REEP5: variants seen among roughly 807,000 people sequenced by gnomAD.
REEP5 encodes the protein receptor expression-enhancing protein 5.
A neutral mutation model predicts 22.4 loss-of-function variants in REEP5; 24 were observed. That is an observed-to-expected ratio of 1.07 (90% CI 0.78 to 1.51). The LOEUF (loss-of-function observed/expected upper bound fraction) is 1.51. Among genes scored for constraint, REEP5 ranks in the 40% most tolerant of loss-of-function variants. The pLI is 0.00. For missense variants in REEP5, 252 were observed against 233.0 expected, an observed-to-expected ratio of 1.08 and a Z score of -0.53; for synonymous variants, 103 against 88.6, an observed-to-expected ratio of 1.16 and a Z score of -0.92.
At chr5:112,904,707 T>C (rs901143967) in intron 2 of REEP5, among the ~76,000 whole-genome samples, 1 of 152,318 alleles carries the variant, frequency 6.6e-6, no homozygotes, top group East Asian at 1.9e-4. Flanking sequence ...TAAACTTAAA[T>C]AGATATTTCC....
Position 112,878,754 on chromosome 5 carries a change from A to T in REEP5, c.*32T>A. ...ACATCAAGCTCCAGTAGGAAGGTAC[A>T]GAGAGGGCAGGAAGTTTCCATCCAG... is the stretch of plus-strand genomic sequence containing the variant. On this transcript the variant is annotated 3_prime_UTR_variant, in exon 5 of 5. Transcript: ENST00000379638. 1 of 1,613,924 alleles carries T rather than the reference A, an allele frequency of 6.2e-7. No individual in the cohort carries two copies. The highest frequency in any genetic ancestry group is 8.5e-7 in the Non-Finnish European group (1 of 1,179,904).
At chr5:112,881,789 A>T (rs1428951320) in intron 4 of REEP5, among the ~76,000 whole-genome samples, 1 of 152,144 alleles carries the variant, frequency 6.6e-6, no homozygotes, top group Non-Finnish European at 1.5e-5. Context: ...ATTTAGAGAC[A>T]GGGTCTCACT....
chr5:112,898,195 C>T (rs1310800936), intron 3 of REEP5: 1 of 152,238 alleles, frequency 6.6e-6, no homozygotes, highest in African/African-American at 2.4e-5. Flanking sequence ...GAACCTTCTC[C>T]TACAGACGAG....
At position 112,910,163 on chromosome 5, in the gene REEP5, C is replaced by A. The variant is rs192402219; in HGVS notation, c.213-7645G>T. Among the ~76,000 whole-genome samples, 172 of 152,214 alleles carry A rather than the reference C, an allele frequency of 1.1e-3. 1 individual carries two copies. Among genetic ancestry groups the A allele is most frequent in the Admixed American group, 2.6e-3 (40 of 15,284 alleles). Reference sequence around the variant, plus strand: ...ACTAAAAATACAAAAATTAGCCAGGCATAGTGGTGTGCACCTGTAGTCCCA... The same window carrying A: ...ACTAAAAATACAAAAATTAGCCAGGAATAGTGGTGTGCACCTGTAGTCCCA... On this transcript the variant is annotated intron_variant, in intron 2 of 4. Transcript: ENST00000379638.
intron 2 of REEP5, among the ~76,000 whole-genome samples, chr5:112,907,950 C>T (rs953358742): frequency 6.6e-6 from 1 of 151,836 alleles, no homozygotes; most frequent in African/African-American, 2.4e-5. Flanking sequence ...ATATGCAATA[C>T]ATTTCAAATT....
At position 112,878,633 on chromosome 5, in the gene REEP5, A is replaced by C. The variant is rs1767969036; in HGVS notation, c.*153T>G. On this transcript the variant is annotated 3_prime_UTR_variant, in exon 5 of 5. Transcript: ENST00000379638. ...CCCTATATATATAGACAGTAAAAGT[A>C]AGCAAAGAAACTTACAACACATTCC... The C allele has an allele frequency of 3.2e-5, 36 of 1,127,118 alleles. No homozygotes were observed. In the South Asian group the frequency reaches 5.5e-4, roughly 17 times the overall value. 69.8% of individuals were successfully genotyped at this position (1,127,118 alleles called of 1,614,324 possible).
chr5:112,921,505 G>C, intron 1 of REEP5: 1 of 550,998 alleles, frequency 1.8e-6, no homozygotes, highest in Non-Finnish European at 3.3e-6. Context: ...CCGGCGCTTT[G>C]CGCAGCAACC....
At chr5:112,911,748 C>G (rs1769108027) in intron 2 of REEP5, among the ~76,000 whole-genome samples, 1 of 152,166 alleles carries the variant, frequency 6.6e-6, no homozygotes, top group African/African-American at 2.4e-5. Context: ...ATACTCAATG[C>G]TTAGGAACAT....
chr5:112,908,102 T>G (rs79056092), intron 2 of REEP5, among the ~76,000 whole-genome samples: 6,461 of 131,722 alleles, frequency 0.049, 446 homozygotes, highest in African/African-American at 0.17. Context: ...TTGTTTTTTG[T>G]TTTTTTTTTT....
intron 3 of REEP5, chr5:112,895,352 T>A (rs1768650678): frequency 6.6e-6 from 1 of 151,836 alleles, no homozygotes; most frequent in African/African-American, 2.4e-5. Flanking sequence ...CACAAATTAA[T>A]GTACTTGAAG....
intron 4 of REEP5, among the ~76,000 whole-genome samples, chr5:112,883,485 CA>C (rs1401374784): frequency 5.9e-5 from 9 of 152,160 alleles, no homozygotes; most frequent in Non-Finnish European, 1.3e-4. Context: ...CTCAATTGGC[CA>C]CTCCTTATCA....
intron 2 of REEP5, among the ~76,000 whole-genome samples, chr5:112,912,190 G>C (rs1231656688): frequency 6.6e-6 from 1 of 152,086 alleles, no homozygotes; most frequent in Non-Finnish European, 1.5e-5. Context: ...GTTTGCTCAA[G>C]AGGTAATAAT....
intron 2 of REEP5, among the ~76,000 whole-genome samples, chr5:112,911,184 C>T (rs951000222): frequency 2.6e-5 from 4 of 152,128 alleles, no homozygotes; most frequent in Admixed American, 6.5e-5. Flanking sequence ...AGGAAACAGG[C>T]GTGGGCGAGG....
At chr5:112,916,117 G>C (rs1244689299) in intron 2 of REEP5, among the ~76,000 whole-genome samples, 1 of 152,236 alleles carries the variant, frequency 6.6e-6, no homozygotes, top group Non-Finnish European at 1.5e-5. Flanking sequence ...CCTTAAGCAA[G>C]TAGACTGCAA....
rs569088299 is a variant in REEP5 at position 112,907,120 on chromosome 5, G to T, written c.213-4602C>A. 1.8e-4 allele frequency among the ~76,000 whole-genome samples: 28 copies of T among 152,318 alleles called. No individual in the cohort carries two copies. In the South Asian group the frequency reaches 5.0e-3, roughly 27 times the overall value. On this transcript the variant is annotated intron_variant, in intron 2 of 4. Coordinates refer to ENST00000379638, the MANE Select transcript of REEP5 (RefSeq NM_005669.5). Reference sequence around the variant, plus strand: ...TTCAAGAACTGCATCTAAAAGCCCTGTATCTGTCTAGCTGGAACTTCAGCC... The same window carrying T: ...TTCAAGAACTGCATCTAAAAGCCCTTTATCTGTCTAGCTGGAACTTCAGCC...
chr5:112,891,723 G>C (rs1460338094), intron 3 of REEP5: 3 of 1,614,022 alleles, frequency 1.9e-6, no homozygotes, highest in Non-Finnish European at 2.5e-6. Flanking sequence ...GGGCCGCCCT[G>C]AAGAAGGAGA....
intron 2 of REEP5, among the ~76,000 whole-genome samples, chr5:112,908,736 T>C (rs139463559): frequency 0.052 from 7,956 of 152,004 alleles, 524 homozygotes; most frequent in East Asian, 0.16. Flanking sequence ...TTGTATTTTT[T>C]AGTAGAGACG....
Position 112,877,253 on chromosome 5 carries a change from A to G in REEP5, c.*1533T>C, listed in dbSNP as rs1293665438. The G allele has an allele frequency of 6.6e-6, 1 of 152,174 alleles. No individual in the cohort carries two copies. The highest frequency in any genetic ancestry group is 1.5e-5 in the Non-Finnish European group (1 of 68,028). 9.4% of individuals were successfully genotyped at this position (152,174 alleles called of 1,614,324 possible). ...TTTAATATTTTTTACATCATGAGAC[A>G]TTGTTATGATCTTACCTGATTGTTA... On this transcript the variant is annotated 3_prime_UTR_variant, in exon 5 of 5. Transcript: ENST00000379638.
intron 4 of REEP5, among the ~76,000 whole-genome samples, chr5:112,886,216 A>G (rs76904657): frequency 0.066 from 9,987 of 152,292 alleles, 394 homozygotes; most frequent in South Asian, 0.14. Flanking sequence ...GTCCTAGAGA[A>G]TTCCCCTATT....
Sources: allele counts gnomAD v4.1 joint callset (sites outside exome capture counted in the v4.1 genomes callset), GRCh38; gene constraint gnomAD v4.1.1; transcripts MANE v1.5; gene names NCBI Gene and HGNC (gene_info 2026-07-23, HGNC 2026-07-21).